Variants in LRP1B observed in about 807,000 individuals in gnomAD.
The protein encoded by LRP1B is LDL receptor related protein 1B.
In LRP1B, 217 loss-of-function variants were observed where a neutral mutation model predicts 556.6. The observed-to-expected ratio is 0.39, with a 90% CI of 0.35 to 0.44. The LOEUF is 0.44. Among genes scored for constraint, LRP1B ranks in the 20% least tolerant of loss-of-function variants. The pLI, the probability that LRP1B is intolerant of heterozygous loss-of-function variation, is 1.00. For synonymous variants in LRP1B, 2,047 were observed against 1,865.8 expected (o/e 1.10, Z -2.50); for missense variants, 5,053 against 5,620.8 (o/e 0.90, Z 3.23).
At chr2:140,389,672 G>T (rs1683923833) in intron 66 of LRP1B, among the ~76,000 whole-genome samples, 1 of 146,538 alleles carries the variant, frequency 6.8e-6, no homozygotes, top group African/African-American at 2.5e-5. Context: ...TTAGAAAACT[G>T]AAAATGTTGT....
intron 2 of LRP1B, among the ~76,000 whole-genome samples, chr2:141,792,237 A>T (rs1428440507): frequency 6.6e-6 from 1 of 152,028 alleles, no homozygotes; most frequent in Non-Finnish European, 1.5e-5. Flanking sequence ...AAGAAAGGAT[A>T]AACTAAGAAC....
rs1242299536 is a variant in LRP1B, at chr2:140,868,099, C to G, written c.4334G>C (p.Arg1445Thr). ...FEKRIVWTDARSDAIYSALYD... is the reference protein window; with the variant it reads ...FEKRIVWTDATSDAIYSALYD... ...ACAGAAAAGAGATGATTTTTTAAAC[C>G]TGGCGTCTGTCCACACTATCCTTTT... Residue 1445 changes from arginine (R) to threonine (T), a missense_variant and splice_region_variant, in exon 26 of 91, where the codon AGG (arginine) becomes ACG (threonine). By Grantham distance (71) the Arg-to-Thr change is moderately conservative. Transcript: ENST00000389484. 1 of 1,573,282 alleles carries G rather than the reference C, an allele frequency of 6.4e-7. No homozygotes were observed.
intron 43 of LRP1B, among the ~76,000 whole-genome samples, chr2:140,554,110 C>T (rs3793153): frequency 0.44 from 66,196 of 151,696 alleles, 15,217 homozygotes; most frequent in East Asian, 0.58. Flanking sequence ...ATAACTCTTT[C>T]TGATTCTTAG....
intron 41 of LRP1B, among the ~76,000 whole-genome samples, chr2:140,620,981 GTTAATGTTATTTTC>G (rs1297005518): frequency 2.6e-5 from 4 of 151,658 alleles, no homozygotes; most frequent in African/African-American, 7.3e-5. Flanking sequence ...ATTAAAATTT[GTTAATGTTATTTTC>G]TCAAAGTTCC....
chr2:141,709,031 A>G (rs1692255633), intron 2 of LRP1B, among the ~76,000 whole-genome samples: 1 of 152,140 alleles, frequency 6.6e-6, no homozygotes, highest in African/African-American at 2.4e-5. Context: ...CTATCAACAT[A>G]TAACTTTTAT....
At chr2:141,945,816 C>A (rs12623563) in intron 1 of LRP1B, among the ~76,000 whole-genome samples, 56,486 of 151,950 alleles carry the variant, frequency 0.37, 11,452 homozygotes, top group Admixed American at 0.5. Flanking sequence ...TTGAGCCATA[C>A]ACCATATTTT....
At chr2:141,654,506 G>A (rs1361829286) in intron 2 of LRP1B, among the ~76,000 whole-genome samples, 1 of 152,116 alleles carries the variant, frequency 6.6e-6, no homozygotes, top group Non-Finnish European at 1.5e-5. Flanking sequence ...GTCTGGAGGA[G>A]TCTGGCAATC....
chr2:141,868,505 G>A (rs1285000071), intron 1 of LRP1B, among the ~76,000 whole-genome samples: 1 of 151,988 alleles, frequency 6.6e-6, no homozygotes, highest in Non-Finnish European at 1.5e-5. Flanking sequence ...TGCCCATTGC[G>A]GTAACAGACA....
chr2:141,398,501 TTCCGA>T, intron 3 of LRP1B, among the ~76,000 whole-genome samples: 1 of 152,164 alleles, frequency 6.6e-6, no homozygotes, highest in Non-Finnish European at 1.5e-5. Flanking sequence ...CCATTTTCTT[TTCCGA>T]TCCCCAGGTC....
intron 4 of LRP1B, among the ~76,000 whole-genome samples, chr2:141,251,936 G>A (rs1453994491): frequency 2.6e-5 from 4 of 152,044 alleles, no homozygotes; most frequent in African/African-American, 7.2e-5. Context: ...TACAATCATA[G>A]GGATCTTTAT....
chr2:140,878,437 T>C (rs1173647901), intron 25 of LRP1B, among the ~76,000 whole-genome samples: 3 of 152,070 alleles, frequency 2.0e-5, no homozygotes, highest in Non-Finnish European at 2.9e-5. Context: ...GCCAGTTAAA[T>C]AGAAAATGGA....
chr2:141,208,652 G>A (rs1682394359), intron 6 of LRP1B, among the ~76,000 whole-genome samples: 1 of 151,918 alleles, frequency 6.6e-6, no homozygotes, highest in Non-Finnish European at 1.5e-5. Flanking sequence ...TAGATCACGA[G>A]GTCAGGAGAT....
chr2:141,818,130 T>C (rs896359350), intron 1 of LRP1B, among the ~76,000 whole-genome samples: 1 of 152,170 alleles, frequency 6.6e-6, no homozygotes, highest in Admixed American at 6.5e-5. Flanking sequence ...ACAACACTCA[T>C]AACTGCTAAA....
At chr2:140,340,140 CA>C (rs1558813877) in intron 77 of LRP1B, among the ~76,000 whole-genome samples, 1 of 151,054 alleles carries the variant, frequency 6.6e-6, no homozygotes, top group Non-Finnish European at 1.5e-5. Context: ...CTCGGTCCTC[CA>C]TAAAAAGAAA....
chr2:140,472,669 A>G (rs1471481402), intron 60 of LRP1B, among the ~76,000 whole-genome samples: 1 of 152,084 alleles, frequency 6.6e-6, no homozygotes, highest in African/African-American at 2.4e-5. Context: ...AACCTCAGAT[A>G]TTCTTGGTCT....
intron 41 of LRP1B, among the ~76,000 whole-genome samples, chr2:140,631,443 A>C (rs1239037585): frequency 6.6e-6 from 1 of 152,228 alleles, no homozygotes; most frequent in African/African-American, 2.4e-5. Flanking sequence ...ACAGTTGGGT[A>C]ATGTAAGCAC....
intron 3 of LRP1B, among the ~76,000 whole-genome samples, chr2:141,314,826 ATG>A (rs1553493237): frequency 8.4e-6 from 1 of 119,154 alleles, no homozygotes. Flanking sequence ...ATATATATAT[ATG>A]TGTATATATA....
intron 7 of LRP1B, among the ~76,000 whole-genome samples, chr2:141,175,707 G>A (rs1237967790): frequency 6.6e-6 from 1 of 152,106 alleles, no homozygotes; most frequent in Non-Finnish European, 1.5e-5. Flanking sequence ...CCCCACTGGG[G>A]CACTCCCTAG....
Position 140,734,083 on chromosome 2 carries a change from A to G in LRP1B, c.5759-17267T>C, listed in dbSNP as rs192383284. On this transcript the variant is annotated intron_variant, in intron 35 of 90. Transcript: ENST00000389484. The stretch of plus-strand genomic sequence containing the variant: ...TAACAAAAAGTTCAGTGAAAATCCA[A>G]TGGGGCAGATAAATTGAAAACAGAC... 7.4e-3 allele frequency among the ~76,000 whole-genome samples: 1,133 copies of G among 152,312 alleles called. 9 individuals are homozygous for G. Among genetic ancestry groups the G allele is most frequent in the Non-Finnish European group, 0.011 (778 of 68,014 alleles).
Sources: allele counts gnomAD v4.1 joint callset (sites outside exome capture counted in the v4.1 genomes callset), GRCh38; gene constraint gnomAD v4.1.1; transcripts MANE v1.5; gene names NCBI Gene and HGNC (gene_info 2026-07-23, HGNC 2026-07-21).